The following NKAIN2 variants were observed in gnomAD, a reference collection of about 807,000 sequenced individuals.
NKAIN2 encodes the protein sodium/potassium-transporting ATPase subunit beta-1-interacting protein 2.
In NKAIN2, 14 loss-of-function variants were observed where a neutral mutation model predicts 32.6. That is an observed-to-expected ratio of 0.43 (90% CI 0.28 to 0.67). NKAIN2 has a LOEUF of 0.67. NKAIN2 is among the 30% of genes least tolerant of loss of function. NKAIN2 has a pLI of 0.17. For missense variants in NKAIN2, 198 were observed against 258.3 expected (o/e 0.77, Z 1.60); for synonymous variants, 80 against 87.2 (o/e 0.92, Z 0.46).
At chr6:124,661,337 C>G (rs1389412906) in intron 4 of NKAIN2, among the ~76,000 whole-genome samples, 1 of 152,180 alleles carries the variant, frequency 6.6e-6, no homozygotes, top group East Asian at 1.9e-4. Context: ...CTTAGATCTG[C>G]TTTCATAAAC....
chr6:124,687,815 C>A (rs1774055077), intron 4 of NKAIN2, among the ~76,000 whole-genome samples: 1 of 145,248 alleles, frequency 6.9e-6, no homozygotes, highest in Non-Finnish European at 1.5e-5. Context: ...CTCTAGAGAA[C>A]CCTGACTAAT....
intron 4 of NKAIN2, among the ~76,000 whole-genome samples, chr6:124,788,623 A>C (rs1467245373): frequency 6.6e-6 from 1 of 152,070 alleles, no homozygotes; most frequent in Non-Finnish European, 1.5e-5. Context: ...TAAAACCATC[A>C]GATCTTTTGA....
At chr6:123,889,224 C>G (rs781493575) in intron 1 of NKAIN2, among the ~76,000 whole-genome samples, 2 of 151,880 alleles carry the variant, frequency 1.3e-5, no homozygotes, top group Non-Finnish European at 2.9e-5. Context: ...ATTAGTTAGA[C>G]TAAGTGCCTC....
intron 1 of NKAIN2, among the ~76,000 whole-genome samples, chr6:124,042,397 A>G (rs1781910828): frequency 6.6e-6 from 1 of 152,060 alleles, no homozygotes; most frequent in Non-Finnish European, 1.5e-5. Context: ...CAACATAACC[A>G]TATTAATGGG....
At chr6:124,664,404 C>T (rs1772670927) in intron 4 of NKAIN2, among the ~76,000 whole-genome samples, 1 of 151,484 alleles carries the variant, frequency 6.6e-6, no homozygotes, top group African/African-American at 2.4e-5. Context: ...TGTTGATAAA[C>T]AAGAATACAT....
At chr6:124,069,978 G>A (rs776220052) in intron 1 of NKAIN2, among the ~76,000 whole-genome samples, 21 of 152,162 alleles carry the variant, frequency 1.4e-4, no homozygotes, top group Non-Finnish European at 2.6e-4. Flanking sequence ...GGTACAAATT[G>A]TCACCGAGCT....
At chr6:124,353,833 A>G (rs914910421) in intron 2 of NKAIN2, among the ~76,000 whole-genome samples, 1 of 152,214 alleles carries the variant, frequency 6.6e-6, no homozygotes, top group East Asian at 1.9e-4. Context: ...TCTGGAATCA[A>G]GGATGACTCC....
chr6:123,975,922 G>A (rs955342673), intron 1 of NKAIN2, among the ~76,000 whole-genome samples: 6 of 152,088 alleles, frequency 3.9e-5, no homozygotes, highest in Admixed American at 2.0e-4. Flanking sequence ...CCTACATGTC[G>A]CGGGAGGGAC....
At chr6:124,363,683 A>G (rs995066987) in intron 3 of NKAIN2, among the ~76,000 whole-genome samples, 1 of 152,202 alleles carries the variant, frequency 6.6e-6, no homozygotes, top group African/African-American at 2.4e-5. Context: ...TACAGACTGA[A>G]GATTACCAGA....
In NKAIN2 at chr6:124,585,106, C is replaced by T. The variant is rs151131574; in HGVS notation, c.274-73080C>T. On this transcript the variant is annotated intron_variant, in intron 3 of 6. Coordinates refer to ENST00000368417, the MANE Select transcript of NKAIN2 (RefSeq NM_001040214.3). ...GGTAAAGAAAAGTGGTATTTATACA[C>T]GATGGAGTACTGTTCAGCCACAAAA... 3.8e-3 allele frequency among the ~76,000 whole-genome samples: 574 copies of T among 152,262 alleles called. 2 individuals carry two copies. Among genetic ancestry groups the T allele is most frequent in the Admixed American group, 7.1e-3 (108 of 15,298 alleles).
At chr6:124,050,440 T>G (rs1782351417) in intron 1 of NKAIN2, among the ~76,000 whole-genome samples, 1 of 152,052 alleles carries the variant, frequency 6.6e-6, no homozygotes, top group African/African-American at 2.4e-5. Context: ...ACAGGTTCAT[T>G]ACCTGCATTG....
intron 3 of NKAIN2, among the ~76,000 whole-genome samples, chr6:124,592,111 T>C (rs1781933349): frequency 6.6e-6 from 1 of 152,188 alleles, no homozygotes; most frequent in East Asian, 1.9e-4. Flanking sequence ...CTTACTCAAC[T>C]ATGTTGATGA....
At chr6:124,487,135 A>G (rs1051591394) in intron 3 of NKAIN2, among the ~76,000 whole-genome samples, 1 of 152,124 alleles carries the variant, frequency 6.6e-6, no homozygotes, top group Non-Finnish European at 1.5e-5. Context: ...ATTAATAATC[A>G]GTATTTTTGG....
chr6:123,811,405 C>T (rs1216167626), intron 1 of NKAIN2, among the ~76,000 whole-genome samples: 2 of 39,632 alleles, frequency 5.0e-5, no homozygotes, highest in Admixed American at 4.0e-4. Flanking sequence ...GTAAGCACAG[C>T]GCTGGGGTGG....
intron 1 of NKAIN2, among the ~76,000 whole-genome samples, chr6:124,175,733 A>C (rs1442227193): frequency 6.6e-6 from 1 of 152,098 alleles, no homozygotes; most frequent in Non-Finnish European, 1.5e-5. Flanking sequence ...TAGTTTATCA[A>C]TTCAGATTTT....
At chr6:124,789,364 AC>A (rs1779643816) in intron 4 of NKAIN2, among the ~76,000 whole-genome samples, 2 of 152,096 alleles carry the variant, frequency 1.3e-5, no homozygotes, top group Admixed American at 6.6e-5. Flanking sequence ...CTATTGATAA[AC>A]CTGTAACATT....
chr6:124,421,575 A>G lies in NKAIN2; in HGVS notation c.273+66228A>G, dbSNP rs779657504. Among the ~76,000 whole-genome samples, 143 of 152,200 alleles carry G rather than the reference A, an allele frequency of 9.4e-4. 1 individual carries two copies. Among genetic ancestry groups the G allele is most frequent in the Non-Finnish European group, 1.8e-3 (124 of 68,014 alleles). On this transcript the variant is annotated intron_variant, in intron 3 of 6. Transcript: ENST00000368417. ...GTTCTACAGTAAATAAGTCACTATT[A>G]CTATCTTTTTTTTGTTTTGTACTAG...
chr6:124,649,529 A>C (rs1201987035), intron 3 of NKAIN2, among the ~76,000 whole-genome samples: 1 of 152,200 alleles, frequency 6.6e-6, no homozygotes, highest in East Asian at 1.9e-4. Context: ...GATTCTACCA[A>C]ACACGTAAAG....
chr6:124,316,411 A>G (rs1167247199), intron 2 of NKAIN2, among the ~76,000 whole-genome samples: 1 of 152,132 alleles, frequency 6.6e-6, no homozygotes, highest in Admixed American at 6.6e-5. Flanking sequence ...TGATGGATCC[A>G]TGGTTAGGAT....
Sources: allele counts gnomAD v4.1 joint callset (sites outside exome capture counted in the v4.1 genomes callset), GRCh38; gene constraint gnomAD v4.1.1; transcripts MANE v1.5; gene names NCBI Gene and HGNC (gene_info 2026-07-23, HGNC 2026-07-21).